Variants in TMCC3 observed in about 807,000 individuals in gnomAD.
TMCC3 encodes the protein transmembrane and coiled-coil domain protein 3.
A neutral mutation model predicts 40.2 loss-of-function variants in TMCC3; 28 were observed. The ratio of observed to expected loss-of-function variants is 0.70; its 90% CI spans 0.52 to 0.95. The LOEUF (loss-of-function observed/expected upper bound fraction) is 0.95. Ranked by LOEUF, TMCC3 falls within the 40% of genes least tolerant of loss-of-function variation. TMCC3 has a pLI of 0.00. For missense variants in TMCC3, 554 were observed against 615.2 expected (o/e 0.90, Z 1.05); for synonymous variants, 255 against 248.5 (o/e 1.03, Z -0.25).
chr12:94,641,457 C>T (rs546300016), intron 1 of TMCC3, among the ~76,000 whole-genome samples: 2 of 152,134 alleles, frequency 1.3e-5, no homozygotes, highest in African/African-American at 2.4e-5. Context: ...CTCAAATTGG[C>T]GTGTAAGGCA....
chr12:94,597,120 A>AATATATATATATATATAT (rs768080145), intron 1 of TMCC3, among the ~76,000 whole-genome samples: 13 of 5,486 alleles, frequency 2.4e-3, no homozygotes, highest in African/African-American at 5.8e-3. Context: ...TCTCTATTAA[A>AATATATATATATATATAT]ATACATATAT....
intron 1 of TMCC3, among the ~76,000 whole-genome samples, chr12:94,601,717 G>A (rs1219755234): frequency 7.0e-6 from 1 of 143,058 alleles, no homozygotes; most frequent in Non-Finnish European, 1.5e-5. Context: ...GTTGAGACAG[G>A]AGAATTGCTT....
chr12:94,581,972 GC>G lies in TMCC3; in HGVS notation c.644del (p.Gly215AlafsTer9). The G allele has an allele frequency of 6.2e-7, 1 of 1,614,240 alleles. No homozygotes were observed. Among genetic ancestry groups the G allele is most frequent in the Non-Finnish European group, 8.5e-7 (1 of 1,180,046 alleles). On this transcript the variant is annotated frameshift_variant, in exon 2 of 4. Transcript: ENST00000261226. LOFTEE classifies it high-confidence loss of function. ...TCAAGTGAGCAATGTTGTCGGCGCT[GC>G]CAAACTTATTCCGGATCAGGTTGGC... ...EFANLIRNKFGSADNIAHLKN... is the reference protein window; with the variant it reads ...EFANLIRNKFXSADNIAHLKN...
intron 1 of TMCC3, chr12:94,613,825 T>A (rs1207654840): frequency 6.6e-6 from 1 of 152,144 alleles, no homozygotes; most frequent in Non-Finnish European, 1.5e-5. Context: ...CCGGACGCAG[T>A]GGCTCATACC....
chr12:94,642,996 T>A (rs1241532560), intron 1 of TMCC3, among the ~76,000 whole-genome samples: 1 of 151,906 alleles, frequency 6.6e-6, no homozygotes, highest in African/African-American at 2.4e-5. Flanking sequence ...ATCGAGACCA[T>A]CCTGGCCAAC....
At position 94,635,380 on chromosome 12, in the gene TMCC3, G is replaced by A. The variant is rs1344595040; in HGVS notation, c.78+14973C>T. ...TCTTCCATCTCCCGAGCTGCGAGCT[G>A]CGATGGTGTGTCACAAATTACTTAA... On this transcript the variant is annotated intron_variant, in intron 1 of 3. Transcript: ENST00000261226. Among the ~76,000 whole-genome samples, 3 of 152,166 alleles carry A rather than the reference G, an allele frequency of 2.0e-5. No individual in the cohort carries two copies. In the East Asian group the frequency reaches 5.8e-4, roughly 29 times the overall value.
intron 1 of TMCC3, among the ~76,000 whole-genome samples, chr12:94,639,569 G>A (rs2068978031): frequency 6.6e-6 from 1 of 151,782 alleles, no homozygotes; most frequent in Non-Finnish European, 1.5e-5. Flanking sequence ...AACAGAACGA[G>A]ACTCTATCTC....
At chr12:94,648,161 G>A (rs1022262048) in intron 1 of TMCC3, among the ~76,000 whole-genome samples, 1 of 152,066 alleles carries the variant, frequency 6.6e-6, no homozygotes, top group African/African-American at 2.4e-5. Context: ...TTTAAAAATC[G>A]GGTATCTCCA....
intron 3 of TMCC3, among the ~76,000 whole-genome samples, chr12:94,573,268 A>C (rs2068544247): frequency 6.6e-6 from 1 of 151,326 alleles, no homozygotes; most frequent in African/African-American, 2.5e-5. Flanking sequence ...TTCTAGCTCA[A>C]TTGGTCCGGT....
At chr12:94,623,320 G>GCCACTCAT in intron 1 of TMCC3, among the ~76,000 whole-genome samples, 1 of 152,220 alleles carries the variant, frequency 6.6e-6, no homozygotes, top group Admixed American at 6.5e-5. Context: ...CCATGAGCTG[G>GCCACTCAT]GCACTTTTAC....
chr12:94,650,333 C>T lies in TMCC3; in HGVS notation c.78+20G>A. The T allele has an allele frequency of 7.8e-7, 1 of 1,283,350 alleles. No homozygotes were observed. Among genetic ancestry groups the T allele is most frequent in the African/African-American group, 1.6e-5 (1 of 64,356 alleles). 79.5% of individuals were successfully genotyped at this position (1,283,350 alleles called of 1,614,324 possible). A position where few individuals can be genotyped will look rare whatever the true frequency, so the allele number is the denominator to read the frequency against. On this transcript the variant is annotated intron_variant, in intron 1 of 3. Transcript: ENST00000261226. ...CCCGGGCCCGCGCGCACCCGCCGCC[C>T]CCCAGCCCGCTGCGCTCACCCGGCT...
In TMCC3 at chr12:94,614,333, C is replaced by A. The variant is rs141060818; in HGVS notation, c.79-31795G>T. 1.6e-4 allele frequency among the ~76,000 whole-genome samples: 24 copies of A among 152,262 alleles called. No individual in the cohort carries two copies. In the East Asian group the frequency reaches 4.4e-3, roughly 28 times the overall value. ...TGCAATGATCTTCTTGGATCATTAT[C>A]CTCACTGGTTACACACAGGAATGTG... is the stretch of plus-strand genomic sequence containing the variant. On this transcript the variant is annotated intron_variant, in intron 1 of 3. Transcript: ENST00000261226.
chr12:94,621,126 T>C (rs771896689), intron 1 of TMCC3, among the ~76,000 whole-genome samples: 22 of 152,246 alleles, frequency 1.4e-4, no homozygotes, highest in Non-Finnish European at 2.8e-4. Context: ...AAAGTAACCA[T>C]GCTTAGAAAA....
At chr12:94,607,276 T>C (rs1482118995) in intron 1 of TMCC3, among the ~76,000 whole-genome samples, 3 of 141,912 alleles carry the variant, frequency 2.1e-5, no homozygotes, top group East Asian at 4.1e-4. Context: ...ACTGATTTCA[T>C]ATTGTTCAAA....
chr12:94,619,428 A>G (rs2068863770), intron 1 of TMCC3, among the ~76,000 whole-genome samples: 1 of 151,904 alleles, frequency 6.6e-6, no homozygotes, highest in East Asian at 1.9e-4. Flanking sequence ...CTCTCTCTGA[A>G]CTCTTTAAAC....
chr12:94,614,061 C>T (rs2068832453), intron 1 of TMCC3: 1 of 144,932 alleles, frequency 6.9e-6, no homozygotes, highest in South Asian at 2.2e-4. Context: ...CACCACTGCA[C>T]TCCAGCCTGG....
chr12:94,572,444 G>A (rs1329402620), intron 3 of TMCC3, among the ~76,000 whole-genome samples: 1 of 150,814 alleles, frequency 6.6e-6, no homozygotes, highest in African/African-American at 2.4e-5. Context: ...CTGAGTAGCT[G>A]GGATTACAGG....
chr12:94,606,823 G>A lies in TMCC3; in HGVS notation c.79-24285C>T, dbSNP rs561367085. Among the ~76,000 whole-genome samples, 5 of 152,302 alleles carry A rather than the reference G, an allele frequency of 3.3e-5. No homozygotes were observed. The East Asian group carries it at 7.7e-4, about 24-fold the overall frequency. On this transcript the variant is annotated intron_variant, in intron 1 of 3. Coordinates refer to ENST00000261226, the MANE Select transcript of TMCC3 (RefSeq NM_020698.4). ...CTTCAAAGGGCAATAAAGATCACAA[G>A]ACAAAGGCAAAATTAGAATTACTGA... is the stretch of plus-strand genomic sequence containing the variant.
intron 1 of TMCC3, among the ~76,000 whole-genome samples, chr12:94,636,598 A>G (rs148823742): frequency 2.6e-5 from 4 of 152,366 alleles, no homozygotes; most frequent in Non-Finnish European, 5.9e-5. Flanking sequence ...TAAGGCCCCT[A>G]ATCAGTTGAT....
Sources: allele counts gnomAD v4.1 joint callset (sites outside exome capture counted in the v4.1 genomes callset), GRCh38; gene constraint gnomAD v4.1.1; transcripts MANE v1.5; gene names NCBI Gene and HGNC (gene_info 2026-07-23, HGNC 2026-07-21).